The following USH2A variants were observed in gnomAD, a reference collection of about 807,000 sequenced individuals.
The protein encoded by USH2A is Usher syndrome 2A (autosomal recessive, mild).
USH2A carries 443 observed loss-of-function variants against 538.9 expected under a neutral mutation model. The observed-to-expected ratio is 0.82, with a 90% confidence interval of 0.76 to 0.89. The LOEUF (loss-of-function observed/expected upper bound fraction) is 0.89. Ranked by LOEUF, USH2A falls within the 40% of genes least tolerant of loss-of-function variation. The probability of loss-of-function intolerance (pLI) is 0.00; values close to 1 mark genes in which losing one functional copy is unlikely to be tolerated. For missense variants in USH2A, 6,633 were observed against 6,324.8 expected (o/e 1.05, Z -1.65); for synonymous variants, 2,413 against 2,273.5 (o/e 1.06, Z -1.75).
chr1:215,669,493 C>T (rs112530149), intron 64 of USH2A, among the ~76,000 whole-genome samples: 4 of 152,112 alleles, frequency 2.6e-5, no homozygotes, highest in African/African-American at 9.7e-5. Flanking sequence ...AATGTATATA[C>T]TGTATATTTT....
intron 58 of USH2A, among the ~76,000 whole-genome samples, chr1:215,757,307 G>A (rs938980682): frequency 8.5e-5 from 13 of 152,166 alleles, no homozygotes; most frequent in Admixed American, 6.5e-4. Context: ...TTTGATCTTA[G>A]ATTATAGCAG....
At chr1:215,895,951 C>G (rs1336572837) in intron 40 of USH2A, among the ~76,000 whole-genome samples, 1 of 152,150 alleles carries the variant, frequency 6.6e-6, no homozygotes, top group South Asian at 2.1e-4. Flanking sequence ...GCATTTGTCA[C>G]ACAATGATAA....
At chr1:215,829,864 TG>T (rs548463863) in intron 47 of USH2A, among the ~76,000 whole-genome samples, 6 of 152,024 alleles carry the variant, frequency 3.9e-5, no homozygotes, top group African/African-American at 1.5e-4. Flanking sequence ...GGCTTCTGAC[TG>T]GGGGGGAAAA....
chr1:216,050,589 TTTCTTTCTTTCTTTC>T (rs2030732634), intron 30 of USH2A, among the ~76,000 whole-genome samples: 1 of 80,902 alleles, frequency 1.2e-5, no homozygotes, highest in African/African-American at 5.3e-5. Flanking sequence ...TCTTTCTTTC[TTTCTTTCTTTCTTTC>T]TTTTTTTTTT....
chr1:216,056,640 G>C (rs573758849), intron 30 of USH2A, among the ~76,000 whole-genome samples: 14 of 152,302 alleles, frequency 9.2e-5, no homozygotes, highest in African/African-American at 3.4e-4. Context: ...CTTAAAATGT[G>C]TTAAGAGGTT....
chr1:216,254,354 T>C (rs1457157874), intron 11 of USH2A, among the ~76,000 whole-genome samples: 3 of 152,134 alleles, frequency 2.0e-5, no homozygotes, highest in Non-Finnish European at 4.4e-5. Flanking sequence ...AATCTACTCA[T>C]ACTCTAAAAC....
intron 30 of USH2A, among the ~76,000 whole-genome samples, chr1:216,059,317 C>T (rs1483146172): frequency 1.3e-5 from 2 of 152,078 alleles, no homozygotes; most frequent in Admixed American, 1.3e-4. Flanking sequence ...CTTTATATGG[C>T]CCATAAAGTA....
intron 32 of USH2A, among the ~76,000 whole-genome samples, chr1:216,025,217 A>G (rs1200046126): frequency 2.0e-5 from 3 of 151,860 alleles, no homozygotes; most frequent in African/African-American, 7.2e-5. Flanking sequence ...ATATAAATTC[A>G]GAGTATTGAT....
intron 27 of USH2A, among the ~76,000 whole-genome samples, chr1:216,075,243 T>C (rs1048599228): frequency 4.6e-5 from 7 of 152,118 alleles, no homozygotes; most frequent in African/African-American, 1.7e-4. Flanking sequence ...ACTGCTGAGC[T>C]CTTGAAGCTG....
intron 9 of USH2A, among the ~76,000 whole-genome samples, chr1:216,293,786 G>T (rs1055697580): frequency 6.6e-6 from 1 of 152,078 alleles, no homozygotes; most frequent in Non-Finnish European, 1.5e-5. Flanking sequence ...TGTGTAGTGC[G>T]CAATCACCAA....
chr1:216,039,469 C>A (rs980722309), intron 32 of USH2A, among the ~76,000 whole-genome samples: 1 of 151,944 alleles, frequency 6.6e-6, no homozygotes, highest in African/African-American at 2.4e-5. Flanking sequence ...ACCTGGAAAT[C>A]CTCACATGCT....
chr1:215,763,374 T>C (rs1033155925), intron 56 of USH2A, among the ~76,000 whole-genome samples: 4 of 151,912 alleles, frequency 2.6e-5, no homozygotes, highest in Non-Finnish European at 4.4e-5. Flanking sequence ...AAGTAGGTGG[T>C]TGTAGTGGAA....
chr1:215,760,633 A>G (rs1363226897), intron 56 of USH2A, among the ~76,000 whole-genome samples: 1 of 152,150 alleles, frequency 6.6e-6, no homozygotes, highest in Non-Finnish European at 1.5e-5. Flanking sequence ...TCCTGTCTAC[A>G]ATCTATGTAC....
At chr1:215,783,361 A>C in intron 52 of USH2A, among the ~76,000 whole-genome samples, 1 of 152,286 alleles carries the variant, frequency 6.6e-6, no homozygotes. Flanking sequence ...ATTACTTAAA[A>C]AATTTTAAAT....
At chr1:215,997,350 T>C (rs1376363433) in intron 34 of USH2A, among the ~76,000 whole-genome samples, 1 of 152,150 alleles carries the variant, frequency 6.6e-6, no homozygotes, top group Non-Finnish European at 1.5e-5. Flanking sequence ...TTTGACTCCA[T>C]AGAATAGTGT....
In USH2A at chr1:216,009,074, C is replaced by A. The variant is rs148871206; in HGVS notation, c.6326-8512G>T. ...GCCCCAATACCTTATTTCTGTGCCC[C>A]GACCTCTTATCTCTGCACCCCAATC... On this transcript the variant is annotated intron_variant, in intron 32 of 71. Transcript: ENST00000307340. Among the ~76,000 whole-genome samples the A allele has an allele frequency of 7.3e-3, 1,110 of 152,058 alleles. 14 individuals are homozygous for A. Among genetic ancestry groups the A allele is most frequent in the African/African-American group, 0.026 (1,062 of 41,456 alleles).
chr1:216,146,133 G>C (rs2033697921), intron 21 of USH2A, among the ~76,000 whole-genome samples: 1 of 152,162 alleles, frequency 6.6e-6, no homozygotes, highest in South Asian at 2.1e-4. Flanking sequence ...CTGTGAGAAA[G>C]ATCCACCTAC....
intron 64 of USH2A, among the ~76,000 whole-genome samples, chr1:215,653,413 C>T (rs1027042928): frequency 6.6e-6 from 1 of 152,138 alleles, no homozygotes; most frequent in African/African-American, 2.4e-5. Flanking sequence ...CCTAGACTTT[C>T]TTTTTAGTAT....
chr1:215,707,113 T>G (rs763377577), intron 61 of USH2A, among the ~76,000 whole-genome samples: 5 of 152,210 alleles, frequency 3.3e-5, no homozygotes, highest in Non-Finnish European at 5.9e-5. Flanking sequence ...GAACAAAATT[T>G]TTCACAAAGG....
Sources: gnomAD v4.1 joint callset for allele counts (sites outside exome capture counted in the v4.1 genomes callset) on GRCh38, gnomAD v4.1.1 for gene constraint, MANE v1.5 for transcripts, NCBI Gene and HGNC (gene_info 2026-07-23, HGNC 2026-07-21) for gene names.